The following FAM227B variants were observed in gnomAD, a reference collection of about 807,000 sequenced individuals.
FAM227B encodes the protein protein FAM227B.
FAM227B carries 88 observed loss-of-function variants against 73.8 expected under a neutral mutation model. The observed-to-expected ratio is 1.19, with a 90% CI of 1.00 to 1.42. The LOEUF (loss-of-function observed/expected upper bound fraction) is 1.42, where lower values mean the gene tolerates loss of function less well. Among genes scored for constraint, FAM227B ranks in the 40% most tolerant of loss-of-function variants. FAM227B has a pLI of 0.00. For synonymous variants in FAM227B, 210 were observed against 190.5 expected (o/e 1.10, Z -0.84); for missense variants, 632 against 590.9 (o/e 1.07, Z -0.72).
At chr15:49,411,950 C>A (rs1371345866) in intron 11 of FAM227B, among the ~76,000 whole-genome samples, 1 of 152,056 alleles carries the variant, frequency 6.6e-6, no homozygotes, top group Non-Finnish European at 1.5e-5. Flanking sequence ...TCCTCATTTG[C>A]AGATAACCTA....
chr15:49,541,097 A>G (rs1422485653), intron 10 of FAM227B, among the ~76,000 whole-genome samples: 2 of 152,156 alleles, frequency 1.3e-5, no homozygotes, highest in Non-Finnish European at 2.9e-5. Flanking sequence ...AATAATAATA[A>G]TCTTATAAAA....
At chr15:49,581,416 C>T (rs1039814864) in intron 5 of FAM227B, among the ~76,000 whole-genome samples, 1 of 152,036 alleles carries the variant, frequency 6.6e-6, no homozygotes, top group African/African-American at 2.4e-5. Flanking sequence ...CAACTTCCCC[C>T]TCTCAGGTTC....
chr15:49,595,124 G>A (rs1414976048), intron 3 of FAM227B, among the ~76,000 whole-genome samples: 3 of 151,972 alleles, frequency 2.0e-5, no homozygotes, highest in Admixed American at 1.3e-4. Context: ...AGTTTATCTT[G>A]TAGAGGTCTT....
At chr15:49,394,943 A>G (rs1234837681) in intron 11 of FAM227B, among the ~76,000 whole-genome samples, 2 of 152,158 alleles carry the variant, frequency 1.3e-5, no homozygotes, top group African/African-American at 4.8e-5. Context: ...AAACTTACAA[A>G]TGTTCTCCTA....
rs2037777269 is a variant in FAM227B, at chr15:49,327,776, AATCACTCTCTGAAACAGT to A, written c.*774_*791del. The A allele has an allele frequency of 3.7e-6, 2 of 535,136 alleles. No homozygotes were observed. Among genetic ancestry groups the A allele is most frequent in the African/African-American group, 3.9e-5 (2 of 51,880 alleles). The allele number at this position is 535,136 out of a possible 1,614,324, so 33.1% of individuals were successfully genotyped here. On this transcript the variant is annotated 3_prime_UTR_variant, in exon 16 of 16. Transcript: ENST00000299338. ...ATTTAGATACAATGAAAAAATTCCA[AATCACTCTCTGAAACAGT>A]ATAAATGTCTTAATGTCCTAAAATG...
rs57123974 is a variant in FAM227B, at chr15:49,525,665, AATATATATATATATATAT to A, written c.874+15997_874+16014del. 3.2e-3 allele frequency among the ~76,000 whole-genome samples: 261 copies of A among 81,476 alleles called. 4 individuals are homozygous for A. The highest frequency in any genetic ancestry group is 0.01 in the South Asian group (23 of 2,262). The allele number at this position is 81,476 out of a possible 152,430, so 53.5% of individuals were successfully genotyped here. On this transcript the variant is annotated intron_variant, in intron 10 of 15. Transcript: ENST00000299338. ...GAGACTCAAAGTTAAAGGGTGGAGA[AATATATATATATATATAT>A]ATATATATATATATATATATATATA...
At chr15:49,508,401 C>T (rs190091860) in intron 10 of FAM227B, 53 bp from the exon 11 acceptor site, 30 of 1,433,768 alleles carry the variant, frequency 2.1e-5, no homozygotes, top group Non-Finnish European at 2.6e-5. Flanking sequence ...TTGAAAATAC[C>T]TTTTAATTTG....
intron 5 of FAM227B, among the ~76,000 whole-genome samples, chr15:49,579,519 G>C (rs1233253111): frequency 6.6e-6 from 1 of 152,160 alleles, no homozygotes; most frequent in Non-Finnish European, 1.5e-5. Flanking sequence ...GAGGTTGTCT[G>C]TTAAGTGAAA....
intron 11 of FAM227B, among the ~76,000 whole-genome samples, chr15:49,494,137 T>G (rs927958005): frequency 6.6e-6 from 1 of 151,868 alleles, no homozygotes; most frequent in Non-Finnish European, 1.5e-5. Context: ...CATGTATAAG[T>G]TACCATTGTG....
chr15:49,444,001 T>C (rs532379983), intron 11 of FAM227B, among the ~76,000 whole-genome samples: 1 of 151,660 alleles, frequency 6.6e-6, no homozygotes, highest in African/African-American at 2.4e-5. Context: ...AGTAAAAGAT[T>C]GTGCTGTAAA....
chr15:49,492,105 T>A (rs2057163603), intron 11 of FAM227B, among the ~76,000 whole-genome samples: 1 of 151,872 alleles, frequency 6.6e-6, no homozygotes, highest in Non-Finnish European at 1.5e-5. Flanking sequence ...AATCTGTTTT[T>A]AAAAATAACT....
intron 11 of FAM227B, among the ~76,000 whole-genome samples, chr15:49,494,967 C>A (rs942298722): frequency 2.0e-5 from 3 of 152,104 alleles, no homozygotes; most frequent in African/African-American, 7.2e-5. Flanking sequence ...GTCATTGTTG[C>A]AAATGAATAG....
At chr15:49,619,489 C>G (rs2078521467) in intron 1 of FAM227B, among the ~76,000 whole-genome samples, 1 of 152,120 alleles carries the variant, frequency 6.6e-6, no homozygotes, top group Admixed American at 6.5e-5. Flanking sequence ...GTGAGGAAAC[C>G]CCGGCCATAT....
chr15:49,583,968 T>C (rs993237194), intron 5 of FAM227B, among the ~76,000 whole-genome samples: 10 of 152,132 alleles, frequency 6.6e-5, no homozygotes, highest in African/African-American at 2.4e-4. Flanking sequence ...GCTGAAACTA[T>C]TCCAAAAACT....
chr15:49,552,370 T>C (rs981975288), intron 9 of FAM227B, among the ~76,000 whole-genome samples: 19 of 135,762 alleles, frequency 1.4e-4, no homozygotes, highest in African/African-American at 5.4e-4. Flanking sequence ...GGAGCATTAT[T>C]GTATGTTGTT....
chr15:49,333,626 G>C (rs919628347), intron 14 of FAM227B, among the ~76,000 whole-genome samples: 5 of 152,160 alleles, frequency 3.3e-5, no homozygotes, highest in Admixed American at 6.5e-5. Flanking sequence ...GAAATTTTCT[G>C]ATGTGACTGG....
At chr15:49,396,810 C>T (rs889149618) in intron 11 of FAM227B, among the ~76,000 whole-genome samples, 6 of 151,366 alleles carry the variant, frequency 4.0e-5, no homozygotes, top group African/African-American at 1.2e-4. Flanking sequence ...GGAAAACTAA[C>T]AAACAGAAAG....
chr15:49,346,840 C>A (rs1469955686), intron 13 of FAM227B, among the ~76,000 whole-genome samples: 1 of 152,164 alleles, frequency 6.6e-6, no homozygotes, highest in Non-Finnish European at 1.5e-5. Context: ...AAACTACATT[C>A]TTGAAATAAG....
At chr15:49,330,972 C>A (rs2038608909) in intron 15 of FAM227B, 1 of 152,160 alleles carries the variant, frequency 6.6e-6, no homozygotes, top group African/African-American at 2.4e-5. Context: ...ACAACAACAA[C>A]AAAAATGAAT....
Sources: allele counts gnomAD v4.1 joint callset (sites outside exome capture counted in the v4.1 genomes callset), GRCh38; gene constraint gnomAD v4.1.1; transcripts MANE v1.5; gene names NCBI Gene and HGNC (gene_info 2026-07-23, HGNC 2026-07-21).